TMEM232: variants seen among roughly 807,000 people sequenced by gnomAD.
TMEM232 encodes the protein transmembrane protein 232.
In TMEM232, 80 loss-of-function variants were observed where a neutral mutation model predicts 78.8. The observed-to-expected ratio is 1.01, with a 90% confidence interval of 0.85 to 1.22. TMEM232 has a LOEUF of 1.22. TMEM232 is among the 50% of genes most tolerant of loss of function. The pLI is 0.00. For synonymous variants in TMEM232, 297 were observed against 254.3 expected, an observed-to-expected ratio of 1.17 and a Z score of -1.60; for missense variants, 881 against 742.2, an observed-to-expected ratio of 1.19 and a Z score of -2.17.
chr5:110,612,224 G>A (rs1026184239), intron 8 of TMEM232, among the ~76,000 whole-genome samples: 14 of 152,136 alleles, frequency 9.2e-5, no homozygotes, highest in Admixed American at 7.9e-4. Flanking sequence ...AAATTACACA[G>A]GTAGCAAAAG....
At chr5:110,700,408 G>C (rs975426140) in intron 1 of TMEM232, among the ~76,000 whole-genome samples, 1 of 151,942 alleles carries the variant, frequency 6.6e-6, no homozygotes, top group Non-Finnish European at 1.5e-5. Context: ...TTCGGAATTA[G>C]GGAAACTGAT....
intron 1 of TMEM232, among the ~76,000 whole-genome samples, chr5:110,697,611 A>C (rs1361018228): frequency 1.3e-5 from 2 of 152,184 alleles, no homozygotes. Context: ...AGAAAAAAAC[A>C]AACAACCCCA....
chr5:110,480,424 A>G (rs1380616087), intron 12 of TMEM232, among the ~76,000 whole-genome samples: 4 of 152,094 alleles, frequency 2.6e-5, no homozygotes, highest in African/African-American at 9.6e-5. Context: ...AATGACAGAC[A>G]ATGTAAACAA....
intron 10 of TMEM232, among the ~76,000 whole-genome samples, chr5:110,584,458 C>T (rs7722547): frequency 8.6e-5 from 13 of 151,904 alleles, no homozygotes; most frequent in Middle Eastern, 3.4e-3. Flanking sequence ...TTAAGCTGCC[C>T]GAGGCAAAGA....
At chr5:110,615,481 C>A (rs907256484) in intron 8 of TMEM232, among the ~76,000 whole-genome samples, 2 of 151,830 alleles carry the variant, frequency 1.3e-5, no homozygotes, top group African/African-American at 4.8e-5. Flanking sequence ...CAGAAATACT[C>A]CTCAACACAA....
chr5:110,612,645 T>C (rs151064525), intron 8 of TMEM232, among the ~76,000 whole-genome samples: 23 of 152,290 alleles, frequency 1.5e-4, no homozygotes, highest in Non-Finnish European at 2.6e-4. Flanking sequence ...ACAGTATGTC[T>C]GGAAAACACT....
chr5:110,413,495 A>G (rs1353896300), intron 2 of TMEM232, among the ~76,000 whole-genome samples: 2 of 152,090 alleles, frequency 1.3e-5, no homozygotes, highest in Non-Finnish European at 2.9e-5. Flanking sequence ...TCCCTTTCAT[A>G]TATACATCTA....
chr5:110,688,240 T>C (rs760032802), intron 1 of TMEM232, among the ~76,000 whole-genome samples: 1 of 152,150 alleles, frequency 6.6e-6, no homozygotes, highest in African/African-American at 2.4e-5. Flanking sequence ...CATAGAGACA[T>C]AGGTAGTTGG....
chr5:110,567,125 C>A (rs988454250), intron 11 of TMEM232, among the ~76,000 whole-genome samples: 39 of 151,838 alleles, frequency 2.6e-4, no homozygotes, highest in African/African-American at 8.7e-4. Flanking sequence ...CCACCAGGTA[C>A]CTTCCATAAC....
intron 12 of TMEM232, among the ~76,000 whole-genome samples, chr5:110,525,676 C>A (rs1228931263): frequency 1.3e-5 from 2 of 151,442 alleles, no homozygotes; most frequent in East Asian, 3.9e-4. Context: ...TAGAAGTAGA[C>A]AAGCTAATTC....
At chr5:110,636,646 T>C (rs1440158488) in intron 5 of TMEM232, among the ~76,000 whole-genome samples, 7 of 152,030 alleles carry the variant, frequency 4.6e-5, no homozygotes, top group South Asian at 2.1e-4. Flanking sequence ...TGTAGCCACA[T>C]TGAATATCAA....
intron 12 of TMEM232, among the ~76,000 whole-genome samples, chr5:110,494,345 G>T (rs1381081903): frequency 6.6e-6 from 1 of 151,828 alleles, no homozygotes; most frequent in East Asian, 1.9e-4. Flanking sequence ...TACACAATAG[G>T]GAAATAAGTA....
chr5:110,609,294 T>C (rs1781889287), intron 8 of TMEM232, among the ~76,000 whole-genome samples: 1 of 151,942 alleles, frequency 6.6e-6, no homozygotes, highest in Non-Finnish European at 1.5e-5. Context: ...CCATAAACCA[T>C]AAAGTTGATA....
At chr5:110,727,542 G>A (rs1358005118), upstream of TMEM232, among the ~76,000 whole-genome samples, 1 of 152,106 alleles carries the variant, frequency 6.6e-6, no homozygotes, top group Non-Finnish European at 1.5e-5. Flanking sequence ...CCAGGAGATG[G>A]AGGTTGCAGT....
At chr5:110,507,840 G>A (rs775418872) in intron 12 of TMEM232, among the ~76,000 whole-genome samples, 1 of 152,146 alleles carries the variant, frequency 6.6e-6, no homozygotes, top group Non-Finnish European at 1.5e-5. Flanking sequence ...GAGAGACCTG[G>A]AAAATCATTG....
chr5:110,646,709 T>C (rs1452505857), intron 2 of TMEM232, among the ~76,000 whole-genome samples: 1 of 151,864 alleles, frequency 6.6e-6, no homozygotes, highest in Non-Finnish European at 1.5e-5. Context: ...ACTAAAAATC[T>C]TGTGCACAGT....
Position 110,691,571 on chromosome 5 carries a change from C to G in TMEM232, c.-12-24207G>C, listed in dbSNP as rs368578415. 7.2e-5 allele frequency among the ~76,000 whole-genome samples: 11 copies of G among 152,336 alleles called. 1 individual carries two copies. Among genetic ancestry groups the G allele is most frequent in the East Asian group, 3.9e-4 (2 of 5,182 alleles). The stretch of plus-strand genomic sequence containing the variant: ...AGGTTAGCCATATGCATAATAAAAA[C>G]TAGGCCTACATACTAAAACTGAACT... On this transcript the variant is annotated intron_variant, in intron 1 of 13. Transcript: ENST00000455884.
chr5:110,718,285 T>C (rs1007526564), intron 1 of TMEM232, among the ~76,000 whole-genome samples: 3 of 152,142 alleles, frequency 2.0e-5, no homozygotes, highest in African/African-American at 7.2e-5. Context: ...GGCTTTCAGA[T>C]AGGTGATTAA....
At chr5:110,633,013 A>C (rs571136400) in intron 5 of TMEM232, among the ~76,000 whole-genome samples, 2 of 152,172 alleles carry the variant, frequency 1.3e-5, no homozygotes, top group Non-Finnish European at 2.9e-5. Context: ...AGCCTTGAGC[A>C]GACTAAAAGT....
Sources: gnomAD v4.1 joint callset for allele counts (sites outside exome capture counted in the v4.1 genomes callset) on GRCh38, gnomAD v4.1.1 for gene constraint, MANE v1.5 for transcripts, NCBI Gene and HGNC (gene_info 2026-07-23, HGNC 2026-07-21) for gene names.